Variants in STAT4 observed in about 807,000 individuals in gnomAD.
STAT4 encodes signal transducer and activator of transcription 4.
In STAT4, 42 loss-of-function variants were observed where a neutral mutation model predicts 110.5. The ratio of observed to expected loss-of-function variants is 0.38; its 90% CI spans 0.30 to 0.49. STAT4 has a LOEUF of 0.49. Among genes scored for constraint, STAT4 ranks in the 20% least tolerant of loss-of-function variants. The pLI is 0.95. For missense variants in STAT4, 632 were observed against 887.9 expected, an observed-to-expected ratio of 0.71 and a Z score of 3.66; for synonymous variants, 284 against 302.2, an observed-to-expected ratio of 0.94 and a Z score of 0.63.
chr2:191,081,952 G>C (rs184941335), intron 3 of STAT4, among the ~76,000 whole-genome samples: 6 of 152,196 alleles, frequency 3.9e-5, no homozygotes, highest in Non-Finnish European at 7.4e-5. Context: ...AGTGTACCCT[G>C]CTCAGTCAGC....
chr2:191,083,318 CAG>C lies in STAT4; in HGVS notation c.274-6995_274-6994del, dbSNP rs1269977290. 1.3e-5 allele frequency among the ~76,000 whole-genome samples: 2 copies of C among 152,168 alleles called. No individual in the cohort carries two copies. Among genetic ancestry groups the C allele is most frequent in the Non-Finnish European group, 1.5e-5 (1 of 68,032 alleles). ...CTTGAAGTTGGTATGGAATATGTGA[CAG>C]AGTTATCTACTCAAGGACTTTGGGA... On this transcript the variant is annotated intron_variant, in intron 3 of 23. Transcript: ENST00000392320. This position sits in a 1 kb window ranked among gnomAD's most constrained non-coding sequence, Gnocchi z 4.6.
At chr2:191,123,613 T>C (rs142692202) in intron 3 of STAT4, among the ~76,000 whole-genome samples, 1 of 152,342 alleles carries the variant, frequency 6.6e-6, no homozygotes, top group African/African-American at 2.4e-5. Flanking sequence ...CTGAACACCA[T>C]ACCTTAAACA....
In STAT4 at chr2:191,116,554, T is replaced by C. The variant is rs1484628560; in HGVS notation, c.273+30059A>G. Among the ~76,000 whole-genome samples, 3 of 152,190 alleles carry C rather than the reference T, an allele frequency of 2.0e-5. No individual in the cohort carries two copies. The highest frequency in any genetic ancestry group is 2.9e-5 in the Non-Finnish European group (2 of 68,028). On this transcript the variant is annotated intron_variant, in intron 3 of 23. Transcript: ENST00000392320. The surrounding 1 kb of genome is among the most constrained non-coding windows in gnomAD (Gnocchi z 4.1). ...GATTTAGAATTTTTTTAAAAGCATA[T>C]TGCATGAAATTTAGACAAAGGTGGC... is the stretch of plus-strand genomic sequence containing the variant.
chr2:191,047,890 T>C (rs1248029127), intron 14 of STAT4, among the ~76,000 whole-genome samples: 1 of 152,232 alleles, frequency 6.6e-6, no homozygotes, highest in Non-Finnish European at 1.5e-5. Context: ...GGTCTTGAAC[T>C]CCTGAGCTCA....
rs1256439053 is a variant in STAT4 at position 191,144,459 on chromosome 2, TAG to T, written c.273+2152_273+2153del. 6.6e-6 allele frequency among the ~76,000 whole-genome samples: 1 copy of T among 152,000 alleles called. No homozygotes were observed. Among genetic ancestry groups the T allele is most frequent in the Non-Finnish European group, 1.5e-5 (1 of 67,978 alleles). On this transcript the variant is annotated intron_variant, in intron 3 of 23. Coordinates refer to ENST00000392320, the MANE Select transcript of STAT4 (RefSeq NM_003151.4). The surrounding 1 kb of genome is among the most constrained non-coding windows in gnomAD (Gnocchi z 4.7). The stretch of plus-strand genomic sequence containing the variant: ...GTGTGACGTGTTCAGGAACAAGTAG[TAG>T]ATCTATTTTTCTGAGGTAGGGATGT...
intron 3 of STAT4, among the ~76,000 whole-genome samples, chr2:191,137,377 C>T (rs1327265774): frequency 7.2e-5 from 11 of 152,114 alleles, no homozygotes; most frequent in Non-Finnish European, 1.6e-4. Flanking sequence ...AATGGAAAGA[C>T]ATCTCTATGT....
At chr2:191,088,908 T>C (rs567934847) in intron 3 of STAT4, among the ~76,000 whole-genome samples, 7 of 152,284 alleles carry the variant, frequency 4.6e-5, no homozygotes, top group African/African-American at 1.7e-4. Context: ...ACACTGACCT[T>C]TCACCTCCCA....
chr2:191,066,915 A>G lies in STAT4; in HGVS notation c.545-400T>C, dbSNP rs1344178477. On this transcript the variant is annotated intron_variant, in intron 6 of 23. Transcript: ENST00000392320. This position sits in a 1 kb window ranked among gnomAD's most constrained non-coding sequence, Gnocchi z 4.3. Reference sequence around the variant, plus strand: ...TGTGCCCCTGATTAAATCATATTTGACTCTCTGTTGCCTTCACATACCCCT... The same window carrying G: ...TGTGCCCCTGATTAAATCATATTTGGCTCTCTGTTGCCTTCACATACCCCT... Among the ~76,000 whole-genome samples the G allele has an allele frequency of 6.6e-6, 1 of 151,734 alleles. No homozygotes were observed. Among genetic ancestry groups the G allele is most frequent in the Non-Finnish European group, 1.5e-5 (1 of 67,938 alleles).
chr2:191,135,845 G>C lies in STAT4; in HGVS notation c.273+10768C>G, dbSNP rs1345425742. Among the ~76,000 whole-genome samples, 1 of 151,922 alleles carries C rather than the reference G, an allele frequency of 6.6e-6. No individual in the cohort carries two copies. The highest frequency in any genetic ancestry group is 2.4e-5 in the African/African-American group (1 of 41,338). On this transcript the variant is annotated intron_variant, in intron 3 of 23. Coordinates refer to ENST00000392320, the MANE Select transcript of STAT4 (RefSeq NM_003151.4). This position sits in a 1 kb window ranked among gnomAD's most constrained non-coding sequence, Gnocchi z 4.8. ...CAAATTATTCCAAAAAATTGAAGAGGAAGAAATTCTCCCTAGCTCGTTCTA... is the reference window on the plus strand; with the variant it reads ...CAAATTATTCCAAAAAATTGAAGAGCAAGAAATTCTCCCTAGCTCGTTCTA...
chr2:191,151,357 C>T (rs539272812), upstream of STAT4: 2 of 985,672 alleles, frequency 2.0e-6, no homozygotes, highest in Admixed American at 6.1e-5. This position sits in a 1 kb window ranked among gnomAD's most constrained non-coding sequence, Gnocchi z 4.7. Flanking sequence ...CTTCAGCTTC[C>T]TCTCTCCCTA....
In STAT4 at chr2:191,042,419, G is replaced by A. The variant is rs879258616; in HGVS notation, c.1252-1271C>T. On this transcript the variant is annotated intron_variant, in intron 14 of 23. Transcript: ENST00000392320. This position sits in a 1 kb window ranked among gnomAD's most constrained non-coding sequence, Gnocchi z 4.2. ...AATAAATATATGGCATGTTGAAGGC[G>A]CAGATCAACCGTTTGTAATGGGAAG... is the stretch of plus-strand genomic sequence containing the variant. 3.3e-5 allele frequency among the ~76,000 whole-genome samples: 5 copies of A among 152,168 alleles called. No individual in the cohort carries two copies. The South Asian group carries it at 6.2e-4, about 19-fold the overall frequency.
chr2:191,094,917 CAAA>C (rs1165913847), intron 3 of STAT4, among the ~76,000 whole-genome samples: 4 of 77,908 alleles, frequency 5.1e-5, no homozygotes, highest in Non-Finnish European at 9.1e-5. Flanking sequence ...AAATGGAAAG[CAAA>C]AAAAAAAAAA....
intron 8 of STAT4, 120 bp downstream of exon 8, chr2:191,064,687 A>C (rs1696937799): frequency 8.3e-7 from 1 of 1,200,480 alleles, no homozygotes; most frequent in South Asian, 1.7e-5. Flanking sequence ...GCTGCTAATA[A>C]GCCATCAATA....
At chr2:191,078,374 G>T (rs775977979) in intron 3 of STAT4, among the ~76,000 whole-genome samples, 9 of 151,940 alleles carry the variant, frequency 5.9e-5, no homozygotes. Flanking sequence ...TTCAGATTCA[G>T]TTTCCCCCAT....
rs1695846365 is a variant in STAT4 at position 191,030,147 on chromosome 2, G to C, written c.2221-281C>G. Reference sequence around the variant, plus strand: ...GGGTGCAAAATGTAGCAAATGTTCAGTTAGACATAAATAACTTGACGATTT... The same window carrying C: ...GGGTGCAAAATGTAGCAAATGTTCACTTAGACATAAATAACTTGACGATTT... On this transcript the variant is annotated intron_variant, in intron 23 of 23. Coordinates refer to ENST00000392320, the MANE Select transcript of STAT4 (RefSeq NM_003151.4). This position sits in a 1 kb window ranked among gnomAD's most constrained non-coding sequence, Gnocchi z 4.4. Among the ~76,000 whole-genome samples the C allele has an allele frequency of 6.6e-6, 1 of 152,182 alleles. No individual in the cohort carries two copies. Among genetic ancestry groups the C allele is most frequent in the Non-Finnish European group, 1.5e-5 (1 of 68,026 alleles).
intron 3 of STAT4, among the ~76,000 whole-genome samples, chr2:191,114,306 CTGGTTATTTG>C (rs1190463693): frequency 1.3e-5 from 2 of 151,992 alleles, no homozygotes; most frequent in Admixed American, 1.3e-4. Flanking sequence ...ATAAATTTTG[CTGGTTATTTG>C]TTGCATACAT....
At chr2:191,103,753 T>C (rs969672839) in intron 3 of STAT4, among the ~76,000 whole-genome samples, 16 of 152,194 alleles carry the variant, frequency 1.1e-4, no homozygotes, top group African/African-American at 3.9e-4. Flanking sequence ...TATTTCAACA[T>C]ACACTACAGT....
rs1234677984 is a variant in STAT4 at position 191,066,357 on chromosome 2, T to C, written c.630+73A>G. ...AACTGATAAAATCTGACAGCTTGAT[T>C]ATTTTCAGTTAGTCTAAGTTTAGAA... On this transcript the variant is annotated intron_variant, in intron 7 of 23. Transcript: ENST00000392320. This position sits in a 1 kb window ranked among gnomAD's most constrained non-coding sequence, Gnocchi z 4.3. The C allele has an allele frequency of 7.6e-7, 1 of 1,320,218 alleles. No homozygotes were observed. Among genetic ancestry groups the C allele is most frequent in the Admixed American group, 1.8e-5 (1 of 54,338 alleles). The allele number at this position is 1,320,218 out of a possible 1,614,324, so 81.8% of individuals were successfully genotyped here. A position where few individuals can be genotyped will look rare whatever the true frequency, so the allele number is the denominator to read the frequency against.
At chr2:191,052,379 A>G (rs980429265) in intron 14 of STAT4, among the ~76,000 whole-genome samples, 12 of 152,222 alleles carry the variant, frequency 7.9e-5, no homozygotes, top group African/African-American at 2.9e-4. Context: ...AAATAAAATT[A>G]ACCCGATTCG....
Sources: gnomAD v4.1 joint callset for allele counts (sites outside exome capture counted in the v4.1 genomes callset) on GRCh38, gnomAD v4.1.1 for gene constraint, Gnocchi (gnomAD v3.1) non-coding constraint, MANE v1.5 for transcripts, NCBI Gene and HGNC (gene_info 2026-07-23, HGNC 2026-07-21) for gene names.